CDH6: variants seen among roughly 807,000 people sequenced by gnomAD.
CDH6 encodes the protein cadherin-6.
Under a neutral mutation model 78.0 loss-of-function variants are expected in CDH6, and 31 were observed. That is an observed-to-expected ratio of 0.40 (90% CI 0.30 to 0.54). The LOEUF (loss-of-function observed/expected upper bound fraction) is 0.54. Ranked by LOEUF, CDH6 falls within the 20% of genes least tolerant of loss-of-function variation. The probability of loss-of-function intolerance (pLI) is 0.56; values close to 1 mark genes in which losing one functional copy is unlikely to be tolerated. For synonymous variants in CDH6, 376 were observed against 368.8 expected, an observed-to-expected ratio of 1.02 and a Z score of -0.23; for missense variants, 724 against 975.9, an observed-to-expected ratio of 0.74 and a Z score of 3.44.
chr5:31,241,645 C>T (rs933267198), intron 1 of CDH6, among the ~76,000 whole-genome samples: 2 of 152,226 alleles, frequency 1.3e-5, no homozygotes, highest in Non-Finnish European at 2.9e-5. Context: ...TGTCTTACAG[C>T]TCTGTCCTTC....
At chr5:31,293,445 G>A (rs959161356) in intron 2 of CDH6, among the ~76,000 whole-genome samples, 4 of 152,106 alleles carry the variant, frequency 2.6e-5, no homozygotes, top group African/African-American at 7.2e-5. Context: ...AGGTTGCCAA[G>A]CTTCCCTAAA....
chr5:31,306,759 G>A (rs764527754), intron 7 of CDH6, among the ~76,000 whole-genome samples: 4 of 152,038 alleles, frequency 2.6e-5, no homozygotes, highest in Non-Finnish European at 5.9e-5. Flanking sequence ...CATTCTAATT[G>A]GGGCAAGCAG....
chr5:31,260,758 T>C lies in CDH6; in HGVS notation c.-128-6588T>C, dbSNP rs151011638. Reference sequence around the variant, plus strand: ...TTGGCACAAGAGAAGTGCTTCATGGTGAGAGGTGCCAAAGCTGTTTGACAC... The same window carrying C: ...TTGGCACAAGAGAAGTGCTTCATGGCGAGAGGTGCCAAAGCTGTTTGACAC... On this transcript the variant is annotated intron_variant, in intron 1 of 11. Transcript: ENST00000265071. Among the ~76,000 whole-genome samples, 1,082 of 152,310 alleles carry C rather than the reference T, an allele frequency of 7.1e-3. 12 individuals carry two copies. Among genetic ancestry groups the C allele is most frequent in the African/African-American group, 0.025 (1,030 of 41,558 alleles).
chr5:31,210,514 T>A (rs1740672601), intron 1 of CDH6, among the ~76,000 whole-genome samples: 4 of 152,056 alleles, frequency 2.6e-5, no homozygotes, highest in Admixed American at 2.6e-4. Flanking sequence ...AATAAATAAA[T>A]AAATAAGTAT....
In CDH6 at chr5:31,294,222, T is replaced by A. The variant is rs1021081062; in HGVS notation, c.489T>A (p.Val163=). ...ATGAACCAATATTCACCAAGGAGGT[T>A]TACACAGCCACTGTCCCTGAAATGT... The part of the protein sequence containing the change: ...NDNEPIFTKE[V]YTATVPEMSD... The change falls in exon 3 of 12, where the codon GTT becomes GTA. Residue 163 remains valine (V), a synonymous_variant. Coordinates refer to ENST00000265071, the MANE Select transcript of CDH6 (RefSeq NM_004932.4). The surrounding 1 kb of genome is among the most constrained non-coding windows in gnomAD (Gnocchi z 4.1). 1.9e-6 allele frequency: 3 copies of A among 1,613,798 alleles called. No homozygotes were observed. Among genetic ancestry groups the A allele is most frequent in the Non-Finnish European group, 1.7e-6 (2 of 1,179,826 alleles).
chr5:31,242,764 G>A (rs1741642013), intron 1 of CDH6, among the ~76,000 whole-genome samples: 1 of 151,318 alleles, frequency 6.6e-6, no homozygotes, highest in Non-Finnish European at 1.5e-5. Context: ...GCTCACACCT[G>A]TAATCTCAGC....
chr5:31,283,051 A>T (rs1247065877), intron 2 of CDH6, among the ~76,000 whole-genome samples: 1 of 152,228 alleles, frequency 6.6e-6, no homozygotes, highest in Non-Finnish European at 1.5e-5. Flanking sequence ...AGACAGACAG[A>T]TTTAAGTTTG....
intron 1 of CDH6, among the ~76,000 whole-genome samples, chr5:31,199,138 C>T (rs1740249539): frequency 6.6e-6 from 1 of 151,780 alleles, no homozygotes. Flanking sequence ...CATTTGGATC[C>T]TGTGTGTGAT....
At chr5:31,199,480 G>GTATATATACACACATATGTGTA (rs35730764) in intron 1 of CDH6, among the ~76,000 whole-genome samples, 1 of 32,064 alleles carries the variant, frequency 3.1e-5, no homozygotes, top group South Asian at 1.2e-3. Context: ...ACACATATGT[G>GTATATATACACACATATGTGTA]TATATATGTA....
At chr5:31,247,079 G>A (rs1289858986) in intron 1 of CDH6, among the ~76,000 whole-genome samples, 4 of 152,264 alleles carry the variant, frequency 2.6e-5, no homozygotes, top group Middle Eastern at 6.8e-3. Context: ...CGCATTTTGG[G>A]TTCTGCCCTC....
chr5:31,325,839 C>T lies in CDH6; in HGVS notation c.*2531C>T, dbSNP rs1449343276. 1.3e-5 allele frequency: 3 copies of T among 231,180 alleles called. No homozygotes were observed. Among genetic ancestry groups the T allele is most frequent in the Non-Finnish European group, 2.6e-5 (3 of 116,872 alleles). 14.3% of individuals were successfully genotyped at this position (231,180 alleles called of 1,614,324 possible). ...TTATAGGAAATTGGATAATTTGAGA[C>T]TGGGGCTAAATATTTAGTACCAGGG... On this transcript the variant is annotated 3_prime_UTR_variant, in exon 12 of 12. Coordinates refer to ENST00000265071, the MANE Select transcript of CDH6 (RefSeq NM_004932.4).
intron 1 of CDH6, among the ~76,000 whole-genome samples, chr5:31,203,741 A>G (rs1024833389): frequency 6.6e-6 from 1 of 151,798 alleles, no homozygotes; most frequent in African/African-American, 2.4e-5. Flanking sequence ...AGCATGATTT[A>G]TAGTCCTTTG....
chr5:31,235,970 G>A lies in CDH6; in HGVS notation c.-128-31376G>A, dbSNP rs191669403. ...TTATGCCCATTGTTTGTACTCATAC[G>A]ATTGATATTTGCATTTCTATTTGCT... On this transcript the variant is annotated intron_variant, in intron 1 of 11. Coordinates refer to ENST00000265071, the MANE Select transcript of CDH6 (RefSeq NM_004932.4). Among the ~76,000 whole-genome samples, 34 of 152,148 alleles carry A rather than the reference G, an allele frequency of 2.2e-4. No homozygotes were observed. The East Asian group carries it at 3.3e-3, about 15-fold the overall frequency.
chr5:31,223,574 C>A (rs4596398), intron 1 of CDH6, among the ~76,000 whole-genome samples: 103,225 of 152,010 alleles, frequency 0.68, 35,426 homozygotes, highest in East Asian at 0.85. Context: ...TCAGTGATTT[C>A]ATTCTTAAAA....
rs1420749080 is a variant in CDH6, at chr5:31,327,329, T to G, written c.*4021T>G. On this transcript the variant is annotated 3_prime_UTR_variant, in exon 12 of 12. Transcript: ENST00000265071. ...TTTTCACCAGGAACAGACCACCAAA[T>G]AAATTATTTTATCCTAATAACTAGT... 1 of 191,576 alleles carries G rather than the reference T, an allele frequency of 5.2e-6. No individual in the cohort carries two copies. Among genetic ancestry groups the G allele is most frequent in the Non-Finnish European group, 1.1e-5 (1 of 91,516 alleles). The allele number at this position is 191,576 out of a possible 1,614,324, so 11.9% of individuals were successfully genotyped here.
At chr5:31,231,063 T>C (rs900978143) in intron 1 of CDH6, among the ~76,000 whole-genome samples, 2 of 152,220 alleles carry the variant, frequency 1.3e-5, no homozygotes, top group Admixed American at 1.3e-4. Context: ...TATATTCAAA[T>C]GCAATATTTT....
intron 11 of CDH6, chr5:31,318,894 G>A (rs761053374): frequency 6.7e-5 from 15 of 225,010 alleles, no homozygotes; most frequent in Admixed American, 5.7e-4. Context: ...CTGCTCTAGC[G>A]CTCCTTCACG....
chr5:31,198,909 G>A (rs761009513), intron 1 of CDH6, among the ~76,000 whole-genome samples: 1 of 152,074 alleles, frequency 6.6e-6, no homozygotes, highest in Non-Finnish European at 1.5e-5. Context: ...GTAACCCTGG[G>A]TGGATGGTAA....
chr5:31,226,722 G>C (rs538868825), intron 1 of CDH6, among the ~76,000 whole-genome samples: 2 of 152,218 alleles, frequency 1.3e-5, no homozygotes, highest in South Asian at 2.1e-4. Context: ...AACTCCTCTT[G>C]AACATGAAAT....
Sources: allele counts gnomAD v4.1 joint callset (sites outside exome capture counted in the v4.1 genomes callset), GRCh38; gene constraint gnomAD v4.1.1; non-coding constraint Gnocchi (gnomAD v3.1); transcripts MANE v1.5; gene names NCBI Gene and HGNC (gene_info 2026-07-23, HGNC 2026-07-21).